The following INTU variants were observed in gnomAD, a reference collection of about 807,000 sequenced individuals.
INTU encodes the protein protein inturned.
Under a neutral mutation model 100.5 loss-of-function variants are expected in INTU, and 68 were observed. The observed-to-expected ratio is 0.68, with a 90% confidence interval of 0.56 to 0.83. The LOEUF (loss-of-function observed/expected upper bound fraction) is 0.83. Among genes scored for constraint, INTU ranks in the 40% least tolerant of loss-of-function variants. INTU has a pLI of 0.00. For missense variants in INTU, 1,071 were observed against 1,114.7 expected, an observed-to-expected ratio of 0.96 and a Z score of 0.56; for synonymous variants, 357 against 395.7, an observed-to-expected ratio of 0.90 and a Z score of 1.16.
At chr4:127,714,603 C>A (rs1731201882) in intron 15 of INTU, among the ~76,000 whole-genome samples, 1 of 152,184 alleles carries the variant, frequency 6.6e-6, no homozygotes, top group African/African-American at 2.4e-5. Flanking sequence ...ACTTCTGGAT[C>A]CTTGATATTC....
intron 2 of INTU, among the ~76,000 whole-genome samples, chr4:127,644,481 C>G (rs1727481234): frequency 6.6e-6 from 1 of 152,098 alleles, no homozygotes; most frequent in South Asian, 2.1e-4. Context: ...CTTGAGTACA[C>G]TAAGTTCTTG....
chr4:127,682,939 A>G (rs1257714995), intron 6 of INTU, among the ~76,000 whole-genome samples: 1 of 152,124 alleles, frequency 6.6e-6, no homozygotes, highest in African/African-American at 2.4e-5. Context: ...AAGGTAGCAT[A>G]GGCAGTTAGA....
chr4:127,662,650 A>G (rs1268754158), intron 3 of INTU, among the ~76,000 whole-genome samples: 1 of 152,076 alleles, frequency 6.6e-6, no homozygotes, highest in Non-Finnish European at 1.5e-5. Flanking sequence ...GGGGTCCCCA[A>G]CCCCCAGGCC....
intron 4 of INTU, among the ~76,000 whole-genome samples, chr4:127,667,172 CT>C (rs1314626421): frequency 1.3e-5 from 2 of 152,094 alleles, no homozygotes; most frequent in African/African-American, 4.8e-5. Flanking sequence ...CTGCTAAGAC[CT>C]TTTGTCATCC....
intron 2 of INTU, among the ~76,000 whole-genome samples, chr4:127,655,391 A>G (rs60007567): frequency 0.03 from 4,581 of 150,478 alleles, 304 homozygotes; most frequent in East Asian, 0.26. Flanking sequence ...TGATGTACAG[A>G]TGGGTTTTTG....
intron 6 of INTU, among the ~76,000 whole-genome samples, chr4:127,680,856 T>C (rs1186575566): frequency 1.3e-5 from 2 of 151,936 alleles, no homozygotes; most frequent in Admixed American, 1.3e-4. Context: ...GAAAACCCCA[T>C]TGTCTCAGCC....
intron 8 of INTU, among the ~76,000 whole-genome samples, chr4:127,694,502 CT>C (rs1404996585): frequency 2.0e-5 from 3 of 151,986 alleles, no homozygotes; most frequent in Non-Finnish European, 4.4e-5. Flanking sequence ...TTTTATATAT[CT>C]TTTCAAAGAA....
intron 3 of INTU, among the ~76,000 whole-genome samples, chr4:127,662,232 T>C (rs1728508341): frequency 6.6e-6 from 1 of 152,188 alleles, no homozygotes; most frequent in African/African-American, 2.4e-5. Context: ...CTGTAGGTTG[T>C]TTACTCTGTT....
chr4:127,646,335 T>G (rs1727587711), intron 2 of INTU, among the ~76,000 whole-genome samples: 1 of 152,214 alleles, frequency 6.6e-6, no homozygotes, highest in South Asian at 2.1e-4. Context: ...GGTTTGTTCT[T>G]TTAGTTCTGT....
chr4:127,685,575 C>T, intron 7 of INTU: 1 of 423,430 alleles, frequency 2.4e-6, no homozygotes, highest in African/African-American at 2.0e-5. Context: ...GATAAGTGAG[C>T]TACAAAGAGC....
At chr4:127,667,192 CT>C (rs1728735973) in intron 4 of INTU, among the ~76,000 whole-genome samples, 1 of 152,124 alleles carries the variant, frequency 6.6e-6, no homozygotes, top group Non-Finnish European at 1.5e-5. Flanking sequence ...CCTTGCCTTT[CT>C]TTCCATGGGA....
At position 127,713,922 on chromosome 4, in the gene INTU, C is replaced by G; in HGVS notation, c.2560-14C>G. ...TAATACCAGTTAATACTAACAATACCTATTAATTTACAGAAAAAGAAAGGA... is the reference window on the plus strand; with the variant it reads ...TAATACCAGTTAATACTAACAATACGTATTAATTTACAGAAAAAGAAAGGA... On this transcript the variant is annotated splice_polypyrimidine_tract_variant and intron_variant, in intron 14 of 15. Coordinates refer to ENST00000335251, the MANE Select transcript of INTU (RefSeq NM_015693.4). 8 of 1,563,480 alleles carry G rather than the reference C, an allele frequency of 5.1e-6. No individual in the cohort carries two copies. The highest frequency in any genetic ancestry group is 7.0e-6 in the Non-Finnish European group (8 of 1,142,234).
intron 5 of INTU, among the ~76,000 whole-genome samples, chr4:127,670,140 A>C (rs1196609975): frequency 6.6e-6 from 1 of 151,868 alleles, no homozygotes; most frequent in African/African-American, 2.4e-5. Context: ...CAAAGCTTTT[A>C]GGTTTTGTGT....
intron 15 of INTU, 147 bp downstream of exon 15, chr4:127,714,240 C>T: frequency 9.4e-6 from 5 of 530,996 alleles, no homozygotes; most frequent in Non-Finnish European, 1.6e-5. Context: ...TGCTAAGTAT[C>T]TCCTTTAAAT....
chr4:127,647,895 C>G (rs1183423123), intron 2 of INTU, among the ~76,000 whole-genome samples: 2 of 151,974 alleles, frequency 1.3e-5, no homozygotes, highest in Non-Finnish European at 2.9e-5. Context: ...AGTAAACAAA[C>G]TTTTGCATAT....
At chr4:127,653,497 A>G (rs1346214403) in intron 2 of INTU, among the ~76,000 whole-genome samples, 1 of 151,480 alleles carries the variant, frequency 6.6e-6, no homozygotes, top group Non-Finnish European at 1.5e-5. Context: ...GTCATTCAGG[A>G]GCAGGTTGTT....
chr4:127,641,215 G>T (rs1318608408), intron 1 of INTU, among the ~76,000 whole-genome samples: 2 of 152,136 alleles, frequency 1.3e-5, no homozygotes, highest in African/African-American at 4.8e-5. Context: ...ACTTGCCAAA[G>T]TAGACCTATC....
chr4:127,690,157 A>T (rs1044879765), intron 8 of INTU, among the ~76,000 whole-genome samples: 2 of 152,176 alleles, frequency 1.3e-5, no homozygotes, highest in African/African-American at 4.8e-5. Context: ...AGTATTGTCT[A>T]TTTGGGGCTT....
intron 2 of INTU, among the ~76,000 whole-genome samples, chr4:127,645,018 T>C (rs1727510494): frequency 6.6e-6 from 1 of 152,204 alleles, no homozygotes; most frequent in Non-Finnish European, 1.5e-5. Flanking sequence ...GGGTTACAGA[T>C]AGGCAGGCAG....
Sources: allele counts gnomAD v4.1 joint callset (sites outside exome capture counted in the v4.1 genomes callset), GRCh38; gene constraint gnomAD v4.1.1; transcripts MANE v1.5; gene names NCBI Gene and HGNC (gene_info 2026-07-23, HGNC 2026-07-21).